HELZ2: variants seen among roughly 807,000 people sequenced by gnomAD.
HELZ2 encodes the protein helicase with zinc finger 2, also known as 3'-5' exoribonuclease HELZ2.
In HELZ2, 143 loss-of-function variants were observed where a neutral mutation model predicts 208.8. The observed-to-expected ratio is 0.68, with a 90% CI of 0.60 to 0.79. HELZ2 has a LOEUF of 0.79. HELZ2 is among the 30% of genes least tolerant of loss of function. The pLI is 0.00. For missense variants in HELZ2, 3,690 were observed against 3,794.5 expected (o/e 0.97, Z 0.72); for synonymous variants, 1,705 against 1,693.7 (o/e 1.01, Z -0.16).
chr20:63,573,951 G>A (rs547561438), upstream of HELZ2, among the ~76,000 whole-genome samples: 1 of 152,314 alleles, frequency 6.6e-6, no homozygotes, highest in South Asian at 2.1e-4. The surrounding 1 kb of genome is among the most constrained non-coding windows in gnomAD (Gnocchi z 4.9). Flanking sequence ...TCCAGTGGGT[G>A]CAGAGACCAC....
At position 63,565,299 on chromosome 20, in the gene HELZ2, G is replaced by A; in HGVS notation, c.3523C>T (p.Gln1175Ter). ...GGCGCCTTGTCTCCCGAAAGGAGCT[G>A]CACCAGCACCTCATCCCCGGCGAAG... The change falls in exon 8 of 19, where the codon CAG (glutamine) becomes TAG (stop). Residue 1175 changes from glutamine (Q) to a stop codon, truncating the protein, a stop_gained. Coordinates refer to ENST00000467148, the Ensembl canonical transcript of HELZ2. LOFTEE classifies it high-confidence loss of function. 1 of 1,605,694 alleles carries A rather than the reference G, an allele frequency of 6.2e-7. No homozygotes were observed. Among genetic ancestry groups the A allele is most frequent in the South Asian group, 1.1e-5 (1 of 89,974 alleles).
chr20:63,568,380 G>A (rs1229739499), exon 5 of HELZ2: 2 of 1,610,950 alleles, frequency 1.2e-6, no homozygotes, highest in African/African-American at 2.7e-5. Flanking sequence ...GTGCAGATGA[G>A]CACCTTGGTT....
chr20:63,572,677 G>A, upstream of HELZ2: 1 of 404,904 alleles, frequency 2.5e-6, no homozygotes, highest in Non-Finnish European at 4.4e-6. Flanking sequence ...TAAGGATGGC[G>A]TCGGCCGCCC....
At chr20:63,567,587 C>T (rs780064169) in exon 6 of HELZ2, 2 of 1,596,278 alleles carry the variant, frequency 1.3e-6, no homozygotes, top group African/African-American at 1.3e-5. Context: ...CCGCCGCTGA[C>T]GTGGCTGTGG....
chr20:63,565,135 G>A (rs549704158), exon 8 of HELZ2: 27 of 1,580,944 alleles, frequency 1.7e-5, no homozygotes, highest in East Asian at 4.6e-5. Context: ...CCTTCAGCTC[G>A]GCCACGAAGA....
chr20:63,573,656 T>C (rs542667362), upstream of HELZ2, among the ~76,000 whole-genome samples: 6 of 152,156 alleles, frequency 3.9e-5, no homozygotes, highest in Admixed American at 1.3e-4. This position sits in a 1 kb window ranked among gnomAD's most constrained non-coding sequence, Gnocchi z 4.9. Flanking sequence ...TCCTTTTCTA[T>C]TGAATGACCA....
exon 6 of HELZ2, chr20:63,567,505 A>G: frequency 1.9e-6 from 3 of 1,558,912 alleles, no homozygotes; most frequent in Non-Finnish European, 2.6e-6. Context: ...ACAGTACTGC[A>G]GCGTGACTGG....
At position 63,565,867 on chromosome 20, in the gene HELZ2, G is replaced by A. The variant is rs139574216; in HGVS notation, c.2955C>T (p.Ala985=). Residue 985 remains alanine, a synonymous_variant, in exon 8 of 19, where the codon GCC becomes GCT. Coordinates refer to ENST00000467148, the Ensembl canonical transcript of HELZ2. ...CCGTCACCACAGCCGCCTGCTCCTC[G>A]GCCAGGTCCCCTACTGGCTCTGGGG... is the stretch of plus-strand genomic sequence containing the variant. 8.7e-5 allele frequency: 139 copies of A among 1,597,644 alleles called. No homozygotes were observed. The African/African-American group carries it at 1.2e-3, about 13-fold the overall frequency.
chr20:63,564,649 C>T (rs778950516), exon 8 of HELZ2: 2 of 1,567,422 alleles, frequency 1.3e-6, no homozygotes, highest in South Asian at 2.3e-5. Context: ...CAGCGCCCTG[C>T]CTTCGCGCCT....
Position 63,570,860 on chromosome 20 carries a change from A to G in HELZ2, c.287T>C (p.Leu96Pro), listed in dbSNP as rs200231357. 235 of 1,590,238 alleles carry G rather than the reference A, an allele frequency of 1.5e-4. No individual in the cohort carries two copies. Among genetic ancestry groups the G allele is most frequent in the Non-Finnish European group, 2.0e-4 (228 of 1,165,156 alleles). ...GGTGCAGGCGTCCCCATACTCACAGAGGTCAGGCCTGGGGGACAGGGAGGT... is the reference window on the plus strand; with the variant it reads ...GGTGCAGGCGTCCCCATACTCACAGGGGTCAGGCCTGGGGGACAGGGAGGT... Residue 96 changes from leucine (L) to proline (P), a missense_variant, in exon 2 of 19, where the codon CTC becomes CCC. Transcript: ENST00000467148.
chr20:63,563,862 G>T, exon 8 of HELZ2: 1 of 1,595,832 alleles, frequency 6.3e-7, no homozygotes, highest in Non-Finnish European at 8.5e-7. Flanking sequence ...TGCTGCTGGT[G>T]GCCCCGGGCG....
chr20:63,560,853 C>T lies in HELZ2; in HGVS notation c.7223G>A (p.Arg2408Gln), dbSNP rs549774081. 8 of 1,613,288 alleles carry T rather than the reference C, an allele frequency of 5.0e-6. No individual in the cohort carries two copies. The Admixed American group carries it at 6.7e-5, about 13-fold the overall frequency. ...CTCGTGGTACCGCTCGAACAGAGAC[C>T]GGTCCAGACCCAGGTTTTGCAGCCG... Residue 2408 changes from arginine to glutamine, a missense_variant, in exon 15 of 19, where the codon CGG (arginine) becomes CAG (glutamine). By Grantham distance (43) the Arg-to-Gln change is conservative (BLOSUM62 1). This residue lies in a region of HELZ2 where 2,564 missense variants were observed against 2,580.5 expected (regional missense o/e 0.99). Coordinates refer to ENST00000467148, the Ensembl canonical transcript of HELZ2.
exon 8 of HELZ2, chr20:63,563,233 C>T (rs2082909621): frequency 3.2e-6 from 5 of 1,562,554 alleles, no homozygotes. Context: ...AGTGGCTCCG[C>T]TGCACCTGCA....
At chr20:63,565,671 A>T in exon 8 of HELZ2, 1 of 1,609,046 alleles carries the variant, frequency 6.2e-7, no homozygotes, top group Non-Finnish European at 8.5e-7. Context: ...GCCTCCGTGG[A>T]CTCCACGCCC....
exon 18 of HELZ2, chr20:63,560,025 G>C: frequency 6.2e-7 from 1 of 1,611,908 alleles, no homozygotes; most frequent in Non-Finnish European, 8.5e-7. Flanking sequence ...AGCTCTTGGT[G>C]GGCCGCTGGT....
chr20:63,569,380 C>G (rs761626371), exon 4 of HELZ2: 2 of 1,608,714 alleles, frequency 1.2e-6, no homozygotes, highest in Admixed American at 3.3e-5. Context: ...TCAGGGTGGC[C>G]GAGCGCCAGA....
intron 1 of HELZ2, chr20:63,571,364 G>A (rs28475035): frequency 0.075 from 1,962 of 26,104 alleles, 167 homozygotes; most frequent in East Asian, 0.2. Context: ...CTCCTGCCCC[G>A]CTCCAAGCTC....
At position 63,560,559 on chromosome 20, in the gene HELZ2, C is replaced by T. The variant is rs1368053577; in HGVS notation, c.7420G>A (p.Gly2474Ser). The T allele has an allele frequency of 1.2e-6, 2 of 1,612,884 alleles. No individual in the cohort carries two copies. Among genetic ancestry groups the T allele is most frequent in the Middle Eastern group, 1.6e-4 (1 of 6,062 alleles). The change falls in exon 16 of 19, where the codon GGC (glycine) becomes AGC (serine). Residue 2474 changes from glycine to serine, a missense_variant. Physicochemically the swap from Gly to Ser is moderately conservative, Grantham distance 56. Coordinates refer to ENST00000467148, the Ensembl canonical transcript of HELZ2. Reference sequence around the variant, plus strand: ...GACACCAGCAGGCTCCGCTCGTGGCCCTGCACGTGGCCAAAGATGACAGGG... The same window carrying T: ...GACACCAGCAGGCTCCGCTCGTGGCTCTGCACGTGGCCAAAGATGACAGGG...
exon 1 of HELZ2, chr20:63,572,340 C>A (rs1236197167): frequency 2.5e-5 from 39 of 1,574,596 alleles, no homozygotes; most frequent in Non-Finnish European, 3.1e-5. Context: ...GTGAGCAGGT[C>A]CCCCCGCTGG....
Sources: allele counts gnomAD v4.1 joint callset (sites outside exome capture counted in the v4.1 genomes callset), GRCh38; gene constraint gnomAD v4.1.1; regional missense constraint gnomAD v4.1.1; non-coding constraint Gnocchi (gnomAD v3.1); transcripts MANE v1.5; gene names NCBI Gene and HGNC (gene_info 2026-07-23, HGNC 2026-07-21).